RBFOX1: variants seen among roughly 807,000 people sequenced by gnomAD.
The protein encoded by RBFOX1 is RNA binding fox-1 homolog 1.
RBFOX1 carries 8 observed loss-of-function variants against 57.7 expected under a neutral mutation model. That is an observed-to-expected ratio of 0.14 (90% confidence interval 0.08 to 0.25). RBFOX1 has a LOEUF of 0.25. Ranked by LOEUF, RBFOX1 falls within the 10% of genes least tolerant of loss-of-function variation. RBFOX1 has a pLI of 1.00. For missense variants in RBFOX1, 611 were observed against 548.5 expected, an observed-to-expected ratio of 1.11 and a Z score of -1.14; for synonymous variants, 326 against 222.4, an observed-to-expected ratio of 1.47 and a Z score of -4.15.
intron 4 of RBFOX1, among the ~76,000 whole-genome samples, chr16:7,462,122 C>T (rs1002021560): frequency 3.3e-5 from 5 of 152,214 alleles, no homozygotes; most frequent in African/African-American, 1.2e-4. Context: ...AGGGAAGCTA[C>T]TACCTCTGTG....
At chr16:6,955,689 G>GTATGTATTTATTTATT (rs764676268) in intron 3 of RBFOX1, among the ~76,000 whole-genome samples, 79 of 118,718 alleles carry the variant, frequency 6.7e-4, no homozygotes, top group African/African-American at 2.2e-3. Context: ...AGGTATGTAT[G>GTATGTATTTATTTATT]TATTTATTTA....
chr16:5,244,726 T>G (rs9745912), intron 1 of RBFOX1, among the ~76,000 whole-genome samples: 37,532 of 152,134 alleles, frequency 0.25, 5,275 homozygotes, highest in East Asian at 0.32. Context: ...AGTGGGAAAT[T>G]TTGGGAAGTT....
chr16:7,701,541 C>T (rs2080734287), intron 14 of RBFOX1, among the ~76,000 whole-genome samples: 1 of 152,152 alleles, frequency 6.6e-6, no homozygotes, highest in Non-Finnish European at 1.5e-5. Flanking sequence ...CCTCCCTGGT[C>T]TGTGGAAAAA....
intron 3 of RBFOX1, among the ~76,000 whole-genome samples, chr16:6,861,483 C>T (rs2058987146): frequency 8.4e-6 from 1 of 119,482 alleles, no homozygotes; most frequent in Non-Finnish European, 2.0e-5. Flanking sequence ...CCCTCCCAAC[C>T]CCCTCCCCCC....
chr16:6,930,223 C>G (rs1209484592), intron 3 of RBFOX1, among the ~76,000 whole-genome samples: 1 of 152,138 alleles, frequency 6.6e-6, no homozygotes, highest in Non-Finnish European at 1.5e-5. Context: ...TCCTAAAACT[C>G]AACAACAGAA....
intron 1 of RBFOX1, among the ~76,000 whole-genome samples, chr16:6,123,088 T>C (rs1003153927): frequency 1.3e-5 from 2 of 152,168 alleles, no homozygotes; most frequent in African/African-American, 4.8e-5. Flanking sequence ...TTGCAAAATT[T>C]TAGGAGATCC....
chr16:6,832,786 C>CG (rs2141108710), intron 3 of RBFOX1, among the ~76,000 whole-genome samples: 1 of 152,284 alleles, frequency 6.6e-6, no homozygotes, highest in African/African-American at 2.4e-5. Context: ...GCTTGTGCTC[C>CG]TAGGTGAGCA....
chr16:6,905,175 T>A (rs1313581359), intron 3 of RBFOX1, among the ~76,000 whole-genome samples: 2 of 152,172 alleles, frequency 1.3e-5, no homozygotes, highest in East Asian at 3.8e-4. Context: ...CCTTTATTCT[T>A]TATCCATTTT....
At chr16:7,516,439 C>G (rs2076369095) in intron 4 of RBFOX1, among the ~76,000 whole-genome samples, 1 of 152,142 alleles carries the variant, frequency 6.6e-6, no homozygotes, top group African/African-American at 2.4e-5. Context: ...GAAAGTGGGA[C>G]TGTCCCCCAA....
intron 4 of RBFOX1, among the ~76,000 whole-genome samples, chr16:7,471,995 A>G (rs924058860): frequency 6.6e-6 from 1 of 152,174 alleles, no homozygotes; most frequent in African/African-American, 2.4e-5. Flanking sequence ...CAGAGTACAA[A>G]TGAGGTAGTA....
intron 4 of RBFOX1, among the ~76,000 whole-genome samples, chr16:7,416,160 C>G (rs2098475736): frequency 6.6e-6 from 1 of 152,144 alleles, no homozygotes; most frequent in Non-Finnish European, 1.5e-5. Flanking sequence ...ATGATGAGCT[C>G]CATTCAGCAG....
chr16:6,230,892 C>T (rs1329867885), intron 1 of RBFOX1, among the ~76,000 whole-genome samples: 1 of 152,074 alleles, frequency 6.6e-6, no homozygotes, highest in African/African-American at 2.4e-5. Context: ...GTATCGTGTG[C>T]CATCCTTTAT....
At chr16:7,112,396 A>G (rs913234075) in intron 4 of RBFOX1, among the ~76,000 whole-genome samples, 9 of 115,450 alleles carry the variant, frequency 7.8e-5, no homozygotes, top group African/African-American at 2.4e-4. Context: ...TTTTTTTTGT[A>G]GAGACGTGGT....
intron 3 of RBFOX1, among the ~76,000 whole-genome samples, chr16:6,759,385 A>T (rs1277569775): frequency 6.6e-6 from 1 of 151,910 alleles, no homozygotes; most frequent in Admixed American, 6.6e-5. Context: ...TCCTGACCTC[A>T]GGTGATCTGC....
At chr16:6,965,154 A>C (rs974406761) in intron 3 of RBFOX1, among the ~76,000 whole-genome samples, 2 of 152,028 alleles carry the variant, frequency 1.3e-5, no homozygotes, top group South Asian at 4.2e-4. Flanking sequence ...GGGCAACTGT[A>C]CTGCTGCAGA....
intron 1 of RBFOX1, among the ~76,000 whole-genome samples, chr16:5,363,566 G>T (rs1253996581): frequency 6.6e-6 from 1 of 152,138 alleles, no homozygotes; most frequent in Non-Finnish European, 1.5e-5. Context: ...CCCTGATTGG[G>T]GAAGTCCTCA....
intron 3 of RBFOX1, among the ~76,000 whole-genome samples, chr16:6,790,578 T>A (rs947866422): frequency 6.6e-6 from 1 of 152,184 alleles, no homozygotes; most frequent in Admixed American, 6.5e-5. Flanking sequence ...ACCATTGTTT[T>A]CCCAACACTG....
At chr16:6,207,658 T>C (rs950743490) in intron 1 of RBFOX1, among the ~76,000 whole-genome samples, 1 of 152,142 alleles carries the variant, frequency 6.6e-6, no homozygotes, top group Non-Finnish European at 1.5e-5. Context: ...GATGTGCAGA[T>C]TGTAGAAAGG....
chr16:5,561,235 A>T (rs1054154980), intron 2 of RBFOX1, among the ~76,000 whole-genome samples: 1 of 152,042 alleles, frequency 6.6e-6, no homozygotes, highest in African/African-American at 2.4e-5. Context: ...AGCAGACTCT[A>T]TTATGGCCCA....
Sources: gnomAD v4.1 joint callset for allele counts (sites outside exome capture counted in the v4.1 genomes callset) on GRCh38, gnomAD v4.1.1 for gene constraint, MANE v1.5 for transcripts, NCBI Gene and HGNC (gene_info 2026-07-23, HGNC 2026-07-21) for gene names.